Variants in CSMD2 observed in about 807,000 individuals in gnomAD.
CSMD2 encodes the protein CUB and Sushi multiple domains 2, also known as CUB and sushi domain-containing protein 2.
Under a neutral mutation model 398.5 loss-of-function variants are expected in CSMD2, and 130 were observed. The observed-to-expected ratio is 0.33, with a 90% CI of 0.28 to 0.38. The LOEUF (loss-of-function observed/expected upper bound fraction) is 0.38. Ranked by LOEUF, CSMD2 falls within the 10% of genes least tolerant of loss-of-function variation. The probability of loss-of-function intolerance (pLI) is 1.00; values close to 1 mark genes in which losing one functional copy is unlikely to be tolerated. For synonymous variants in CSMD2, 1,828 were observed against 1,908.5 expected (o/e 0.96, Z 1.10); for missense variants, 3,829 against 4,764.9 (o/e 0.80, Z 5.78).
In CSMD2 at chr1:33,739,312, C is replaced by T. The variant is rs779086504; in HGVS notation, c.2196G>A (p.Pro732=). ...TGCCATTTACTGGAACGCCAGGATC[C>T]GGGCACTCGTTGTGTCGGAAGGCTG... is the stretch of plus-strand genomic sequence containing the variant. ...TFTTFRHNEC[P]DPGVPVNGKR... is the part of the protein sequence containing the mutation. The change falls in exon 15 of 71, where the codon CCG becomes CCA. Residue 732 remains proline (P), a synonymous_variant. Coordinates refer to ENST00000373381, the MANE Select transcript of CSMD2 (RefSeq NM_001281956.2). 3.7e-5 allele frequency: 60 copies of T among 1,613,452 alleles called. No individual in the cohort carries two copies. The highest frequency in any genetic ancestry group is 4.7e-5 in the Non-Finnish European group (56 of 1,179,690).
At chr1:33,964,850 G>A (rs1359619347) in intron 3 of CSMD2, among the ~76,000 whole-genome samples, 2 of 152,130 alleles carry the variant, frequency 1.3e-5, no homozygotes, top group African/African-American at 2.4e-5. Flanking sequence ...GAGTGACTGG[G>A]GACACATCAC....
intron 1 of CSMD2, among the ~76,000 whole-genome samples, chr1:34,092,524 A>G (rs773046255): frequency 5.3e-5 from 8 of 152,192 alleles, no homozygotes; most frequent in Non-Finnish European, 1.2e-4. Flanking sequence ...GGAGAGCCAG[A>G]CAGTGGGCGC....
chr1:34,151,119 C>T (rs1029896148), intron 1 of CSMD2, among the ~76,000 whole-genome samples: 1 of 152,216 alleles, frequency 6.6e-6, no homozygotes, highest in Non-Finnish European at 1.5e-5. Flanking sequence ...TTTTGAAGAG[C>T]CTGCTGGCAC....
chr1:33,534,022 C>G (rs965824531), intron 62 of CSMD2, 115 bp from the exon 63 acceptor site: 2 of 640,036 alleles, frequency 3.1e-6, no homozygotes, highest in Non-Finnish European at 5.5e-6. Context: ...CTGCAAAACT[C>G]TTTTTCTGAT....
Position 33,636,541 on chromosome 1 carries a change from C to G in CSMD2, c.4788G>C (p.Glu1596Asp), listed in dbSNP as rs568491570. 1 of 1,613,890 alleles carries G rather than the reference C, an allele frequency of 6.2e-7. No homozygotes were observed. Among genetic ancestry groups the G allele is most frequent in the Admixed American group, 1.7e-5 (1 of 59,992 alleles). ...TGATGGAACCAGGATCAAAACATGA[C>G]TCCCGCGGGTTTTCTGGGAAAAAGA... ...FVIDYTENPR[E>D]SCFDPGSIKN... The change falls in exon 30 of 71, where the codon GAG becomes GAC. Residue 1596 changes from glutamate to aspartate, a missense_variant. This residue lies in a region of CSMD2 where 2,001 missense variants were observed against 2,567.1 expected (regional missense o/e 0.78). Transcript: ENST00000373381. The surrounding 1 kb of genome is among the most constrained non-coding windows in gnomAD (Gnocchi z 4.8).
intron 5 of CSMD2, among the ~76,000 whole-genome samples, chr1:33,892,291 A>C (rs1642077145): frequency 6.6e-6 from 1 of 151,324 alleles, no homozygotes; most frequent in African/African-American, 2.5e-5. Context: ...AAATAGGATT[A>C]AAAATTTTAA....
intron 16 of CSMD2, among the ~76,000 whole-genome samples, chr1:33,726,202 CA>C (rs1646523407): frequency 1.3e-5 from 2 of 152,230 alleles, no homozygotes; most frequent in South Asian, 4.1e-4. Flanking sequence ...TGGACATTTC[CA>C]GGAGAATGCT....
At chr1:33,899,177 G>C (rs571949415) in intron 5 of CSMD2, among the ~76,000 whole-genome samples, 1 of 152,200 alleles carries the variant, frequency 6.6e-6, no homozygotes, top group Non-Finnish European at 1.5e-5. Context: ...TCTGTCCCAC[G>C]CTCACCAGGG....
At chr1:33,522,182 C>T (rs1291695996) in intron 67 of CSMD2, among the ~76,000 whole-genome samples, 1 of 152,164 alleles carries the variant, frequency 6.6e-6, no homozygotes, top group Non-Finnish European at 1.5e-5. Context: ...TGCCTGTGCT[C>T]CTGGGTACTC....
chr1:33,834,580 C>G (rs1228236698), intron 6 of CSMD2, among the ~76,000 whole-genome samples: 1 of 48,436 alleles, frequency 2.1e-5, no homozygotes, highest in Non-Finnish European at 3.1e-5. Context: ...CCATTCAGGA[C>G]ATAGGCATGG....
At chr1:33,919,473 G>C (rs1438651959) in intron 4 of CSMD2, among the ~76,000 whole-genome samples, 3 of 152,238 alleles carry the variant, frequency 2.0e-5, no homozygotes, top group Admixed American at 2.0e-4. Flanking sequence ...ACAGGGTCAA[G>C]AGAATCATGA....
chr1:34,158,146 A>C (rs1018382526), intron 1 of CSMD2, among the ~76,000 whole-genome samples: 43 of 152,230 alleles, frequency 2.8e-4, no homozygotes, highest in African/African-American at 9.6e-4. Flanking sequence ...CAAGAGTAAG[A>C]AAAGAGCTCT....
intron 5 of CSMD2, among the ~76,000 whole-genome samples, chr1:33,900,489 T>C (rs995235816): frequency 1.3e-4 from 20 of 152,186 alleles, no homozygotes; most frequent in African/African-American, 4.3e-4. Context: ...TTTACAAGAG[T>C]TTTGTGGCTG....
At chr1:33,768,060 T>A (rs1370246738) in intron 13 of CSMD2, among the ~76,000 whole-genome samples, 2 of 152,206 alleles carry the variant, frequency 1.3e-5, no homozygotes, top group African/African-American at 4.8e-5. Flanking sequence ...AGAGAATAAA[T>A]ACCCTATAAC....
intron 13 of CSMD2, among the ~76,000 whole-genome samples, chr1:33,763,913 T>C (rs188598244): frequency 7.9e-5 from 12 of 152,284 alleles, no homozygotes; most frequent in Admixed American, 3.3e-4. Context: ...TCAATATGTA[T>C]GCCCCAGTCC....
intron 3 of CSMD2, among the ~76,000 whole-genome samples, chr1:34,014,666 CCACTA>C (rs1171875668): frequency 1.3e-5 from 2 of 152,254 alleles, no homozygotes; most frequent in Admixed American, 6.5e-5. Flanking sequence ...TCTGTCTCCT[CCACTA>C]GACCATGATT....
intron 13 of CSMD2, among the ~76,000 whole-genome samples, chr1:33,757,777 CCTT>C (rs1649245915): frequency 6.6e-6 from 1 of 152,192 alleles, no homozygotes; most frequent in African/African-American, 2.4e-5. Flanking sequence ...TATGTCAACT[CCTT>C]CTCCCTCGCT....
intron 5 of CSMD2, among the ~76,000 whole-genome samples, chr1:33,868,372 T>C (rs950356991): frequency 1.3e-5 from 2 of 152,148 alleles, no homozygotes; most frequent in African/African-American, 2.4e-5. Flanking sequence ...TAACAGCAAC[T>C]ATTCTGGTGC....
chr1:34,144,111 T>A (rs551820464), intron 1 of CSMD2, among the ~76,000 whole-genome samples: 41 of 152,284 alleles, frequency 2.7e-4, no homozygotes, highest in African/African-American at 8.9e-4. Context: ...ATAACAGCTT[T>A]GAGAAACCTC....
Sources: gnomAD v4.1 joint callset for allele counts (sites outside exome capture counted in the v4.1 genomes callset) on GRCh38, gnomAD v4.1.1 for gene constraint, gnomAD v4.1.1 regional missense constraint, Gnocchi (gnomAD v3.1) non-coding constraint, MANE v1.5 for transcripts, NCBI Gene and HGNC (gene_info 2026-07-23, HGNC 2026-07-21) for gene names.